Variants in CUL5 observed in about 807,000 individuals in gnomAD.
CUL5 encodes the protein cullin 5.
CUL5 carries 26 observed loss-of-function variants against 108.8 expected under a neutral mutation model. The observed-to-expected ratio is 0.24, with a 90% confidence interval of 0.18 to 0.33. The LOEUF (loss-of-function observed/expected upper bound fraction) is 0.33. Among genes scored for constraint, CUL5 ranks in the 10% least tolerant of loss-of-function variants. The pLI, the probability that CUL5 is intolerant of heterozygous loss-of-function variation, is 1.00. For synonymous variants in CUL5, 334 were observed against 298.0 expected (o/e 1.12, Z -1.25); for missense variants, 524 against 909.2 (o/e 0.58, Z 5.45).
intron 7 of CUL5, among the ~76,000 whole-genome samples, chr11:108,065,782 G>A (rs1863662130): frequency 6.6e-6 from 1 of 152,094 alleles, no homozygotes; most frequent in Non-Finnish European, 1.5e-5. Flanking sequence ...CCTGATTTTT[G>A]GTTCTTATGA....
chr11:108,039,982 G>T (rs1190469159), intron 2 of CUL5, among the ~76,000 whole-genome samples: 5 of 152,196 alleles, frequency 3.3e-5, no homozygotes, highest in Middle Eastern at 6.8e-3. Context: ...TCACACCAGG[G>T]TCACACTATT....
At chr11:108,031,371 A>G (rs1317990622) in intron 1 of CUL5, among the ~76,000 whole-genome samples, 1 of 152,112 alleles carries the variant, frequency 6.6e-6, no homozygotes, top group Non-Finnish European at 1.5e-5. Context: ...TCTCAAAAAA[A>G]AAAAAAAAAT....
Position 108,054,734 on chromosome 11 carries a change from A to G in CUL5, c.641A>G (p.Tyr214Cys). ...TACTTGGATTCAACAGAGAGATTTT[A>G]TAGAACACAAGCACCCTCGTATTTA... ...KAYLDSTERF[Y>C]RTQAPSYLQQ... Residue 214 changes from tyrosine (Y) to cysteine (C), a missense_variant, in exon 6 of 19, where the codon TAT becomes TGT. Tyr to Cys is a radical substitution (Grantham distance 194, BLOSUM62 -2). Around this residue, in one of 8 missense-constraint regions of CUL5, gnomAD observed 170 missense variants for 305.1 expected, o/e 0.56. Coordinates refer to ENST00000393094, the MANE Select transcript of CUL5 (RefSeq NM_003478.6). 2 of 1,611,650 alleles carry G rather than the reference A, an allele frequency of 1.2e-6. No homozygotes were observed. The highest frequency in any genetic ancestry group is 1.7e-6 in the Non-Finnish European group (2 of 1,178,288).
chr11:108,099,695 A>G (rs183258851), intron 18 of CUL5, among the ~76,000 whole-genome samples: 63 of 152,336 alleles, frequency 4.1e-4, no homozygotes, highest in Admixed American at 1.4e-3. Flanking sequence ...AAGATACAGA[A>G]CATTTGTGTC....
chr11:108,052,589 T>C, intron 4 of CUL5, 71 bp from the exon 5 acceptor site: 1 of 1,381,974 alleles, frequency 7.2e-7, no homozygotes, highest in East Asian at 2.4e-5. Context: ...TTTCCTTTTT[T>C]GGTGTTTGTA....
At chr11:108,054,585 A>G in intron 5 of CUL5, 62 bp from the exon 6 acceptor site, 7 of 1,173,244 alleles carry the variant, frequency 6.0e-6, no homozygotes, top group Non-Finnish European at 8.4e-6. Flanking sequence ...TATTTCATTT[A>G]TTATACTCAA....
rs1172334310 is a variant in CUL5, at chr11:108,070,099, A to G, written c.784A>G (p.Met262Val). ...RRECNSVEAL[M>V]ECCVNALVTS... is the part of the protein sequence containing the mutation. Reference sequence around the variant, plus strand: ...ACTAATTTTTGATATATTTCAGCTCATGGAATGCTGTGTAAATGCCCTGGT... The same window carrying G: ...ACTAATTTTTGATATATTTCAGCTCGTGGAATGCTGTGTAAATGCCCTGGT... The change falls in exon 8 of 19, where the codon ATG becomes GTG. Residue 262 changes from methionine (M) to valine (V), a missense_variant. By Grantham distance (21) the Met-to-Val change is conservative (BLOSUM62 1). Around this residue, in one of 8 missense-constraint regions of CUL5, gnomAD observed 170 missense variants for 305.1 expected, o/e 0.56. Transcript: ENST00000393094. The G allele has an allele frequency of 4.4e-6, 7 of 1,606,974 alleles. No homozygotes were observed. The East Asian group carries it at 1.3e-4, about 31-fold the overall frequency.
rs536337830 is a variant in CUL5, at chr11:108,106,080, A to G, written c.*1696A>G. 1.1e-4 allele frequency: 16 copies of G among 152,210 alleles called. No homozygotes were observed. The highest frequency in any genetic ancestry group is 2.2e-4 in the Non-Finnish European group (15 of 68,000). The allele number at this position is 152,210 out of a possible 1,614,324, so 9.4% of individuals were successfully genotyped here. Reference sequence around the variant, plus strand: ...GCAAATGTCAATTATTAGACCGAGCATATTGTGAAGAATTAAACTAAAATT... The same window carrying G: ...GCAAATGTCAATTATTAGACCGAGCGTATTGTGAAGAATTAAACTAAAATT... On this transcript the variant is annotated 3_prime_UTR_variant, in exon 19 of 19. Transcript: ENST00000393094.
chr11:108,079,294 C>T lies in CUL5; in HGVS notation c.1178+1054C>T, dbSNP rs537975292. ...AATTTTTTTGTATTTTTAATGGAGA[C>T]GGGGTTTCGCCATATTGGCCAGGCT... On this transcript the variant is annotated intron_variant, in intron 11 of 18. Transcript: ENST00000393094. 5.9e-5 allele frequency among the ~76,000 whole-genome samples: 9 copies of T among 152,132 alleles called. No homozygotes were observed. The South Asian group carries it at 6.2e-4, about 11-fold the overall frequency.
chr11:108,089,440 G>C, intron 12 of CUL5, 52 bp from the exon 13 acceptor site: 3 of 1,382,702 alleles, frequency 2.2e-6, no homozygotes, highest in Non-Finnish European at 2.9e-6. Flanking sequence ...GTCTAAATTC[G>C]AGAGATGGTA....
chr11:108,016,755 G>A (rs1862201651), intron 1 of CUL5, among the ~76,000 whole-genome samples: 1 of 152,026 alleles, frequency 6.6e-6, no homozygotes, highest in Admixed American at 6.6e-5. Flanking sequence ...GAGGCCAGGA[G>A]TTTGATACCA....
rs199791913 is a variant in CUL5, at chr11:108,023,858, CAG to C, written c.25-9941_25-9940del. Among the ~76,000 whole-genome samples, 8 of 152,198 alleles carry C rather than the reference CAG, an allele frequency of 5.3e-5. No homozygotes were observed. The East Asian group carries it at 1.3e-3, about 26-fold the overall frequency. ...TATAAAAGGAACCTAAAAGTTTAAA[CAG>C]AGTGTGGTATGAAATTTTTTATTTC... is the stretch of plus-strand genomic sequence containing the variant. On this transcript the variant is annotated intron_variant, in intron 1 of 18. Transcript: ENST00000393094.
chr11:108,046,843 G>A (rs1863081130), intron 3 of CUL5, among the ~76,000 whole-genome samples: 1 of 152,076 alleles, frequency 6.6e-6, no homozygotes, highest in Admixed American at 6.6e-5. Context: ...CAAAAATTTT[G>A]ATCAAAAATC....
chr11:108,092,953 A>G (rs909264268), intron 13 of CUL5, among the ~76,000 whole-genome samples: 6 of 152,056 alleles, frequency 3.9e-5, no homozygotes, highest in African/African-American at 1.4e-4. Context: ...AGTAGCTGGG[A>G]TTACAGGCGC....
chr11:108,071,633 G>A (rs1345043436), intron 8 of CUL5, among the ~76,000 whole-genome samples: 1 of 151,976 alleles, frequency 6.6e-6, no homozygotes, highest in East Asian at 1.9e-4. Flanking sequence ...TGCAGCCTCA[G>A]CCTCCTGGGC....
At chr11:108,010,800 C>A (rs1309778928) in intron 1 of CUL5, among the ~76,000 whole-genome samples, 1 of 152,108 alleles carries the variant, frequency 6.6e-6, no homozygotes, top group African/African-American at 2.4e-5. Flanking sequence ...TGCTTTACTT[C>A]AGAAAGAAAA....
chr11:108,017,079 G>A (rs1254798348), intron 1 of CUL5, among the ~76,000 whole-genome samples: 1 of 152,154 alleles, frequency 6.6e-6, no homozygotes, highest in Non-Finnish European at 1.5e-5. Context: ...GAGCATTTAT[G>A]CTGTACTGGA....
At chr11:108,052,554 A>T in intron 4 of CUL5, 106 bp from the exon 5 acceptor site, 1 of 1,029,066 alleles carries the variant, frequency 9.7e-7, no homozygotes, top group Non-Finnish European at 1.4e-6. Context: ...GAGCCACTGC[A>T]CCTGGCCCAG....
At chr11:108,009,431 G>C in intron 1 of CUL5, 59 bp downstream of exon 1, 1 of 1,580,228 alleles carries the variant, frequency 6.3e-7, no homozygotes, top group Non-Finnish European at 8.7e-7. Context: ...GGCTCTTTGG[G>C]AAAGGCACGG....
Sources: allele counts gnomAD v4.1 joint callset (sites outside exome capture counted in the v4.1 genomes callset), GRCh38; gene constraint gnomAD v4.1.1; regional missense constraint gnomAD v4.1.1; transcripts MANE v1.5; gene names NCBI Gene and HGNC (gene_info 2026-07-23, HGNC 2026-07-21).